FHIP1A: variants seen among roughly 807,000 people sequenced by gnomAD.
FHIP1A encodes the protein FHF complex subunit HOOK-interacting protein 1A.
In FHIP1A, 61 loss-of-function variants were observed where a neutral mutation model predicts 88.6. The ratio of observed to expected loss-of-function variants is 0.69; its 90% CI spans 0.56 to 0.85. The LOEUF (loss-of-function observed/expected upper bound fraction) is 0.85, where lower values mean the gene tolerates loss of function less well. FHIP1A is among the 40% of genes least tolerant of loss of function. The pLI, the probability that FHIP1A is intolerant of heterozygous loss-of-function variation, is 0.00. For missense variants in FHIP1A, 1,154 were observed against 1,273.5 expected, an observed-to-expected ratio of 0.91 and a Z score of 1.43; for synonymous variants, 478 against 496.0, an observed-to-expected ratio of 0.96 and a Z score of 0.48.
At chr4:151,588,472 A>G (rs890622319) in intron 6 of FHIP1A, among the ~76,000 whole-genome samples, 3 of 152,180 alleles carry the variant, frequency 2.0e-5, no homozygotes, top group African/African-American at 7.2e-5. Flanking sequence ...GGCAAAAATT[A>G]TACTTTCCAG....
intron 1 of FHIP1A, among the ~76,000 whole-genome samples, chr4:151,441,398 C>G (rs1728408947): frequency 6.6e-6 from 1 of 151,550 alleles, no homozygotes. Context: ...ATAGTAATGG[C>G]TTCAAATGAA....
intron 9 of FHIP1A, among the ~76,000 whole-genome samples, chr4:151,641,049 A>C (rs1445722386): frequency 7.2e-6 from 1 of 138,056 alleles, no homozygotes; most frequent in Non-Finnish European, 1.7e-5. Context: ...TCTGAATGGA[A>C]TAATGGAAAA....
chr4:151,577,850 T>C lies in FHIP1A; in HGVS notation c.506T>C (p.Leu169Pro). ...EEKLVVLLNQ[L>P]CSILAKDPSI... ...AAGCTGGTTGTCCTACTCAATCAGC[T>C]CTGTTCCATTCTTGCCAAAGATCCA... The change falls in exon 5 of 14, where the codon CTC (leucine) becomes CCC (proline). Residue 169 changes from leucine to proline, a missense_variant. By Grantham distance (98) the Leu-to-Pro change is moderately conservative. Coordinates refer to ENST00000435205, the MANE Select transcript of FHIP1A (RefSeq NM_001109977.3). The C allele has an allele frequency of 6.4e-7, 1 of 1,551,994 alleles. No individual in the cohort carries two copies. The highest frequency in any genetic ancestry group is 8.7e-7 in the Non-Finnish European group (1 of 1,147,050).
intron 9 of FHIP1A, among the ~76,000 whole-genome samples, chr4:151,642,549 G>C (rs543460880): frequency 3.3e-5 from 5 of 152,130 alleles, no homozygotes; most frequent in Non-Finnish European, 7.3e-5. Flanking sequence ...GAACTTCTTT[G>C]AATCACAAAT....
intron 7 of FHIP1A, among the ~76,000 whole-genome samples, chr4:151,601,105 A>C (rs1032934055): frequency 3.9e-5 from 6 of 152,158 alleles, no homozygotes; most frequent in African/African-American, 1.4e-4. Context: ...CCCACCTGAT[A>C]AGAGCCATGA....
In FHIP1A at chr4:151,578,586, G is replaced by A. The variant is rs74289447; in HGVS notation, c.732+510G>A. Reference sequence around the variant, plus strand: ...CAGTCAGTTAGTGTGCAGGGGCCACGCTGACAACAACAAATGCTGGCAAGA... The same window carrying A: ...CAGTCAGTTAGTGTGCAGGGGCCACACTGACAACAACAAATGCTGGCAAGA... On this transcript the variant is annotated intron_variant, in intron 5 of 13. Transcript: ENST00000435205. Among the ~76,000 whole-genome samples the A allele has an allele frequency of 2.3e-3, 356 of 152,276 alleles. 11 individuals carry two copies. The East Asian group carries it at 0.058, about 25-fold the overall frequency.
chr4:151,473,252 A>G lies in FHIP1A; in HGVS notation c.-247-9272A>G, dbSNP rs190790903. ...AAATGAAATAGTATTATGCAAGATGAATAAACTACTTTCCTGTATTAAGCC... is the reference window on the plus strand; with the variant it reads ...AAATGAAATAGTATTATGCAAGATGGATAAACTACTTTCCTGTATTAAGCC... On this transcript the variant is annotated intron_variant, in intron 2 of 13. Transcript: ENST00000435205. 1.6e-3 allele frequency among the ~76,000 whole-genome samples: 238 copies of G among 152,272 alleles called. 1 individual carries two copies. Among genetic ancestry groups the G allele is most frequent in the African/African-American group, 5.5e-3 (228 of 41,570 alleles).
intron 2 of FHIP1A, among the ~76,000 whole-genome samples, chr4:151,471,495 T>C: frequency 6.6e-6 from 1 of 152,134 alleles, no homozygotes; most frequent in East Asian, 1.9e-4. Flanking sequence ...AAAGAAAATT[T>C]ATATTCTAAT....
chr4:151,617,430 C>T (rs1011477391), intron 7 of FHIP1A, among the ~76,000 whole-genome samples: 1 of 152,156 alleles, frequency 6.6e-6, no homozygotes, highest in African/African-American at 2.4e-5. Flanking sequence ...GAAAACCTCT[C>T]CTGATGTGGC....
chr4:151,552,235 A>AC (rs1732766560), intron 3 of FHIP1A, among the ~76,000 whole-genome samples: 1 of 152,198 alleles, frequency 6.6e-6, no homozygotes, highest in African/African-American at 2.4e-5. Flanking sequence ...GTGGGACTGT[A>AC]AACTAGTTCA....
chr4:151,418,196 CAA>C (rs1430347253), intron 1 of FHIP1A, among the ~76,000 whole-genome samples: 18 of 82,384 alleles, frequency 2.2e-4, no homozygotes, highest in East Asian at 2.0e-3. Context: ...AAAAAAAAAA[CAA>C]GAGAAACTCT....
intron 7 of FHIP1A, among the ~76,000 whole-genome samples, chr4:151,611,158 A>G (rs1735311796): frequency 6.6e-6 from 1 of 152,078 alleles, no homozygotes; most frequent in South Asian, 2.1e-4. Context: ...AGGTTGATGA[A>G]CTGATGTTTA....
intron 2 of FHIP1A, among the ~76,000 whole-genome samples, chr4:151,481,973 C>T (rs1729912481): frequency 6.6e-6 from 1 of 151,970 alleles, no homozygotes; most frequent in South Asian, 2.1e-4. Flanking sequence ...ATTATCTTGC[C>T]AGTTAGGCCT....
Position 151,658,135 on chromosome 4 carries a change from C to T in FHIP1A, c.2869+1237C>T, listed in dbSNP as rs191849499. 3.0e-4 allele frequency among the ~76,000 whole-genome samples: 45 copies of T among 152,268 alleles called. 1 individual carries two copies. The highest frequency in any genetic ancestry group is 5.3e-4 in the Non-Finnish European group (36 of 68,020). Reference sequence around the variant, plus strand: ...GGCATCTCTGTGAGAAGGTAGACTTCGGGTGCCATGTGGCCTCCTTAGACA... The same window carrying T: ...GGCATCTCTGTGAGAAGGTAGACTTTGGGTGCCATGTGGCCTCCTTAGACA... On this transcript the variant is annotated intron_variant, in intron 13 of 13. Coordinates refer to ENST00000435205, the MANE Select transcript of FHIP1A (RefSeq NM_001109977.3).
intron 3 of FHIP1A, among the ~76,000 whole-genome samples, chr4:151,529,625 G>T (rs1039616387): frequency 6.6e-6 from 1 of 152,122 alleles, no homozygotes; most frequent in Admixed American, 6.5e-5. Context: ...CATGTCTAAG[G>T]CTGCCCCCGA....
chr4:151,609,424 C>T (rs966200394), intron 7 of FHIP1A, among the ~76,000 whole-genome samples: 1 of 152,150 alleles, frequency 6.6e-6, no homozygotes, highest in Non-Finnish European at 1.5e-5. Context: ...GCTTTCTCTT[C>T]ATCCACATGT....
intron 7 of FHIP1A, among the ~76,000 whole-genome samples, chr4:151,614,893 A>T (rs886528419): frequency 6.6e-6 from 1 of 152,204 alleles, no homozygotes; most frequent in Non-Finnish European, 1.5e-5. Flanking sequence ...AGTCTTTCAC[A>T]TAAAGCTTTT....
In FHIP1A at chr4:151,649,833, C is replaced by T. The variant is rs1357663232; in HGVS notation, c.1792C>T (p.Pro598Ser). The T allele has an allele frequency of 1.9e-6, 3 of 1,551,598 alleles. No homozygotes were observed. The highest frequency in any genetic ancestry group is 2.6e-6 in the Non-Finnish European group (3 of 1,146,970). Residue 598 changes from proline to serine, a missense_variant, in exon 11 of 14, where the codon CCT (proline) becomes TCT (serine). By Grantham distance (74) the Pro-to-Ser change is moderately conservative (BLOSUM62 -1). Transcript: ENST00000435205. ...SSGADVGSPGPYDDLEVSGPP... is the reference protein window; with the variant it reads ...SSGADVGSPGSYDDLEVSGPP... ...AGGGGCTGACGTGGGCTCCCCAGGG[C>T]CTTATGATGATCTGGAGGTTTCAGG...
At chr4:151,628,357 A>G (rs542624965) in intron 7 of FHIP1A, among the ~76,000 whole-genome samples, 2 of 152,310 alleles carry the variant, frequency 1.3e-5, no homozygotes, top group South Asian at 2.1e-4. Flanking sequence ...CTGAGCACCA[A>G]TAACTTTTTA....
Sources: gnomAD v4.1 joint callset for allele counts (sites outside exome capture counted in the v4.1 genomes callset) on GRCh38, gnomAD v4.1.1 for gene constraint, MANE v1.5 for transcripts, NCBI Gene and HGNC (gene_info 2026-07-23, HGNC 2026-07-21) for gene names.